Variants in TRIP13 observed in about 807,000 individuals in gnomAD.
TRIP13 encodes the protein thyroid hormone receptor interactor 13, also known as pachytene checkpoint protein 2 homolog.
Under a neutral mutation model 54.4 loss-of-function variants are expected in TRIP13, and 25 were observed. That is an observed-to-expected ratio of 0.46 (90% confidence interval 0.33 to 0.64). The LOEUF is 0.64. Among genes scored for constraint, TRIP13 ranks in the 30% least tolerant of loss-of-function variants. The pLI, the probability that TRIP13 is intolerant of heterozygous loss-of-function variation, is 0.02. For synonymous variants in TRIP13, 207 were observed against 207.8 expected, an observed-to-expected ratio of 1.00 and a Z score of 0.03; for missense variants, 373 against 534.2, an observed-to-expected ratio of 0.70 and a Z score of 2.97.
intron 3 of TRIP13, among the ~76,000 whole-genome samples, chr5:900,271 C>T (rs1389619574): frequency 1.3e-5 from 2 of 152,156 alleles, no homozygotes; most frequent in Non-Finnish European, 2.9e-5. Context: ...AGTTGTCTGC[C>T]AGAAGTTACA....
Position 911,067 on chromosome 5 carries a change from C to G in TRIP13, c.867-776C>G, listed in dbSNP as rs757608275. 1.3e-5 allele frequency among the ~76,000 whole-genome samples: 2 copies of G among 152,246 alleles called. No homozygotes were observed. The highest frequency in any genetic ancestry group is 6.5e-5 in the Admixed American group (1 of 15,286). On this transcript the variant is annotated intron_variant, in intron 9 of 12. Coordinates refer to ENST00000166345, the MANE Select transcript of TRIP13 (RefSeq NM_004237.4). The surrounding 1 kb of genome is among the most constrained non-coding windows in gnomAD (Gnocchi z 4.7). The stretch of plus-strand genomic sequence containing the variant: ...GCACCTTGTGCCCGCTCTGCTGGCT[C>G]ATGCTGGGTCCTTGGGGGACATTGG...
At position 913,422 on chromosome 5, in the gene TRIP13, C is replaced by T. The variant is rs1407267984; in HGVS notation, c.1021-1043C>T. 2.6e-5 allele frequency among the ~76,000 whole-genome samples: 4 copies of T among 152,276 alleles called. No individual in the cohort carries two copies. The highest frequency in any genetic ancestry group is 7.2e-5 in the African/African-American group (3 of 41,554). On this transcript the variant is annotated intron_variant, in intron 10 of 12. Transcript: ENST00000166345. This position sits in a 1 kb window ranked among gnomAD's most constrained non-coding sequence, Gnocchi z 4.5. ...TAGAGCTGGAGTACAGTGGTGCCAT[C>T]GCAGCTCACTGCAACCTCCGCCTCC...
chr5:892,974 G>A lies in TRIP13; in HGVS notation c.-25G>A. On this transcript the variant is annotated 5_prime_UTR_variant, in exon 1 of 13. Coordinates refer to ENST00000166345, the MANE Select transcript of TRIP13 (RefSeq NM_004237.4). Reference sequence around the variant, plus strand: ...GGTGGCGGCGGCCGCGCCCTGGTTGGGTCCCCACTGCTCTCGGGGGCGCCA... The same window carrying A: ...GGTGGCGGCGGCCGCGCCCTGGTTGAGTCCCCACTGCTCTCGGGGGCGCCA... The A allele has an allele frequency of 6.5e-7, 1 of 1,531,636 alleles. No homozygotes were observed. The highest frequency in any genetic ancestry group is 8.7e-7 in the Non-Finnish European group (1 of 1,144,352). The allele number at this position is 1,531,636 out of a possible 1,614,324, so 94.9% of individuals were successfully genotyped here. A position where few individuals can be genotyped will look rare whatever the true frequency, so the allele number is the denominator to read the frequency against.
chr5:906,861 C>T (rs1176668547), intron 6 of TRIP13, among the ~76,000 whole-genome samples: 1 of 152,184 alleles, frequency 6.6e-6, no homozygotes, highest in African/African-American at 2.4e-5. Context: ...TATTTTTAAA[C>T]ATAGAAATAT....
intron 9 of TRIP13, among the ~76,000 whole-genome samples, chr5:909,606 C>T (rs1400087765): frequency 1.3e-5 from 2 of 152,174 alleles, no homozygotes; most frequent in Non-Finnish European, 2.9e-5. Flanking sequence ...CACACACACA[C>T]AAATATAGAG....
Position 915,226 on chromosome 5 carries a change from A to G in TRIP13, c.1133+649A>G, listed in dbSNP as rs1754319773. On this transcript the variant is annotated intron_variant, in intron 11 of 12. Transcript: ENST00000166345. The surrounding 1 kb of genome is among the most constrained non-coding windows in gnomAD (Gnocchi z 4.2). ...ATTTAAATCAGTTAAGATGGGAACGAAGAACAGTTCAGAGACTTCTACAAA... is the reference window on the plus strand; with the variant it reads ...ATTTAAATCAGTTAAGATGGGAACGGAGAACAGTTCAGAGACTTCTACAAA... Among the ~76,000 whole-genome samples, 1 of 152,264 alleles carries G rather than the reference A, an allele frequency of 6.6e-6. No individual in the cohort carries two copies. Among genetic ancestry groups the G allele is most frequent in the Admixed American group, 6.5e-5 (1 of 15,292 alleles).
At chr5:903,162 G>T (rs1468167202) in intron 5 of TRIP13, among the ~76,000 whole-genome samples, 1 of 151,974 alleles carries the variant, frequency 6.6e-6, no homozygotes. Flanking sequence ...TCCCTTTCCC[G>T]GTCTGCTAAG....
intron 4 of TRIP13, among the ~76,000 whole-genome samples, chr5:900,784 A>G (rs1753968629): frequency 6.6e-6 from 1 of 152,188 alleles, no homozygotes; most frequent in South Asian, 2.1e-4. Context: ...AACTTAGAGA[A>G]TTAAACCCTC....
At chr5:901,653 C>G (rs1753993093) in intron 5 of TRIP13, among the ~76,000 whole-genome samples, 1 of 152,178 alleles carries the variant, frequency 6.6e-6, no homozygotes, top group African/African-American at 2.4e-5. Context: ...TCGCTGTCGA[C>G]CAGGCTGGAG....
rs1032969430 is a variant in TRIP13 at position 907,746 on chromosome 5, C to A, written c.673-242C>A. ...ACAGGTCACCCTCACTGTGCCGCCC[C>A]GGGCAGGTCAGGTGTGGTCTCAGGT... On this transcript the variant is annotated intron_variant, in intron 7 of 12. Transcript: ENST00000166345. The surrounding 1 kb of genome is among the most constrained non-coding windows in gnomAD (Gnocchi z 4.1). Among the ~76,000 whole-genome samples the A allele has an allele frequency of 6.6e-6, 1 of 152,238 alleles. No individual in the cohort carries two copies. The highest frequency in any genetic ancestry group is 1.5e-5 in the Non-Finnish European group (1 of 68,040).
At position 914,445 on chromosome 5, in the gene TRIP13, C is replaced by G; in HGVS notation, c.1021-20C>G. On this transcript the variant is annotated intron_variant, in intron 10 of 12. Coordinates refer to ENST00000166345, the MANE Select transcript of TRIP13 (RefSeq NM_004237.4). The stretch of plus-strand genomic sequence containing the variant: ...GGCCTCTGTGGACTCAGCTAACCGC[C>G]TGTACTTCTGTCTCCCCAGTGTCAG... The G allele has an allele frequency of 6.3e-7, 1 of 1,594,302 alleles. No individual in the cohort carries two copies. Among genetic ancestry groups the G allele is most frequent in the Non-Finnish European group, 8.6e-7 (1 of 1,163,678 alleles).
At chr5:894,668 A>C (rs1057370296) in intron 1 of TRIP13, 119 bp from the exon 2 acceptor site, 47 of 1,246,236 alleles carry the variant, frequency 3.8e-5, no homozygotes, top group Non-Finnish European at 4.8e-5. Flanking sequence ...GCCAACTCCA[A>C]CTTACCCTGT....
Position 908,609 on chromosome 5 carries a change from A to G in TRIP13, c.866+148A>G, listed in dbSNP as rs1380557843. On this transcript the variant is annotated intron_variant, in intron 9 of 12. Coordinates refer to ENST00000166345, the MANE Select transcript of TRIP13 (RefSeq NM_004237.4). This position sits in a 1 kb window ranked among gnomAD's most constrained non-coding sequence, Gnocchi z 5.2. ...CATTGAGTATCGACTCCTTTTCCAC[A>G]TTGGAAGCAGCATATCACAAATGCT... 22 of 1,472,556 alleles carry G rather than the reference A, an allele frequency of 1.5e-5. No homozygotes were observed. The highest frequency in any genetic ancestry group is 1.8e-4 in the Middle Eastern group (1 of 5,698). The allele number at this position is 1,472,556 out of a possible 1,614,324, so 91.2% of individuals were successfully genotyped here.
At position 893,010 on chromosome 5, in the gene TRIP13, C is replaced by T; in HGVS notation, c.12C>T (p.Ala4=). The T allele has an allele frequency of 1.3e-6, 2 of 1,563,974 alleles. No individual in the cohort carries two copies. ...CTCTCGGGGGCGCCATGGACGAGGC[C>T]GTGGGCGACCTGAAGCAGGCGCTTC... MDE[A]VGDLKQALPC... is the part of the protein sequence containing the mutation. The change falls in exon 1 of 13, where the codon GCC becomes GCT. Residue 4 remains alanine (A), a synonymous_variant. Transcript: ENST00000166345.
At position 915,297 on chromosome 5, in the gene TRIP13, C is replaced by T. The variant is rs1754320795; in HGVS notation, c.1134-607C>T. 1.3e-5 allele frequency among the ~76,000 whole-genome samples: 2 copies of T among 152,266 alleles called. No individual in the cohort carries two copies. The highest frequency in any genetic ancestry group is 1.3e-4 in the Admixed American group (2 of 15,284). On this transcript the variant is annotated intron_variant, in intron 11 of 12. Transcript: ENST00000166345. The surrounding 1 kb of genome is among the most constrained non-coding windows in gnomAD (Gnocchi z 4.2). ...CCATTATTTGGGGACTCTGTGCCTA[C>T]TGACCATGTGCCCGCTGCATCGTGC... is the stretch of plus-strand genomic sequence containing the variant.
At chr5:903,310 G>A (rs1182700642) in intron 5 of TRIP13, among the ~76,000 whole-genome samples, 11 of 152,168 alleles carry the variant, frequency 7.2e-5, no homozygotes, top group Admixed American at 5.2e-4. Context: ...CAGAAGGCTC[G>A]CACTCTTGTC....
chr5:901,835 C>G (rs1254555858), intron 5 of TRIP13, among the ~76,000 whole-genome samples: 1 of 152,084 alleles, frequency 6.6e-6, no homozygotes, highest in Non-Finnish European at 1.5e-5. Context: ...GTTGACCAGG[C>G]TGGTCTCAAA....
In TRIP13 at chr5:916,025, C is replaced by T. The variant is rs776524570; in HGVS notation, c.1203+52C>T. 1.9e-6 allele frequency: 3 copies of T among 1,571,010 alleles called. No homozygotes were observed. The South Asian group carries it at 3.3e-5, about 17-fold the overall frequency. On this transcript the variant is annotated intron_variant, in intron 12 of 12. Coordinates refer to ENST00000166345, the MANE Select transcript of TRIP13 (RefSeq NM_004237.4). Reference sequence around the variant, plus strand: ...ACCCGCCCTGTCCACAGGTCTCAGCCTCGCCGGAGATTCCGCTTAGTAGCC... The same window carrying T: ...ACCCGCCCTGTCCACAGGTCTCAGCTTCGCCGGAGATTCCGCTTAGTAGCC...
chr5:912,534 G>T lies in TRIP13; in HGVS notation c.1020+538G>T, dbSNP rs1031453556. On this transcript the variant is annotated intron_variant, in intron 10 of 12. Coordinates refer to ENST00000166345, the MANE Select transcript of TRIP13 (RefSeq NM_004237.4). This position sits in a 1 kb window ranked among gnomAD's most constrained non-coding sequence, Gnocchi z 7.2. ...GTCAGGAAGGCCGTCGCCACGGGCA[G>T]AGCGACGCGTGCGGGGAGCGTGTGT... Among the ~76,000 whole-genome samples, 3 of 150,216 alleles carry T rather than the reference G, an allele frequency of 2.0e-5. No individual in the cohort carries two copies. Among genetic ancestry groups the T allele is most frequent in the Admixed American group, 6.6e-5 (1 of 15,126 alleles).
Sources: gnomAD v4.1 joint callset for allele counts (sites outside exome capture counted in the v4.1 genomes callset) on GRCh38, gnomAD v4.1.1 for gene constraint, Gnocchi (gnomAD v3.1) non-coding constraint, MANE v1.5 for transcripts, NCBI Gene and HGNC (gene_info 2026-07-23, HGNC 2026-07-21) for gene names.